SLCO2A1: variants seen among roughly 807,000 people sequenced by gnomAD.
SLCO2A1 encodes the protein matrin F/G 1.
Under a neutral mutation model 71.7 loss-of-function variants are expected in SLCO2A1, and 60 were observed. The observed-to-expected ratio is 0.84, with a 90% CI of 0.68 to 1.04. The LOEUF (loss-of-function observed/expected upper bound fraction) is 1.04. Ranked by LOEUF, SLCO2A1 falls within the 50% of genes least tolerant of loss-of-function variation. The pLI, the probability that SLCO2A1 is intolerant of heterozygous loss-of-function variation, is 0.00. For synonymous variants in SLCO2A1, 308 were observed against 326.7 expected, an observed-to-expected ratio of 0.94 and a Z score of 0.62; for missense variants, 745 against 813.4, an observed-to-expected ratio of 0.92 and a Z score of 1.02.
chr3:134,013,731 G>A (rs1935387224), intron 1 of SLCO2A1, among the ~76,000 whole-genome samples: 1 of 152,200 alleles, frequency 6.6e-6, no homozygotes, highest in Non-Finnish European at 1.5e-5. Flanking sequence ...TCTTCCTAGA[G>A]CATCAATGTT....
chr3:133,958,058 CT>C (rs772821706), intron 3 of SLCO2A1, among the ~76,000 whole-genome samples: 2 of 152,180 alleles, frequency 1.3e-5, no homozygotes, highest in Non-Finnish European at 2.9e-5. Context: ...TAAAATGCTC[CT>C]GCTGAAAGAC....
chr3:133,938,695 C>T (rs1209794861), intron 11 of SLCO2A1, among the ~76,000 whole-genome samples: 2 of 152,080 alleles, frequency 1.3e-5, no homozygotes, highest in Non-Finnish European at 2.9e-5. Context: ...TCATCAGCAT[C>T]CCCTGGGAAC....
intron 1 of SLCO2A1, among the ~76,000 whole-genome samples, chr3:134,004,083 T>C (rs542138731): frequency 1.3e-4 from 19 of 151,394 alleles, no homozygotes; most frequent in African/African-American, 3.4e-4. Context: ...AATTTTGTAA[T>C]GAATCTCTTC....
rs1236751672 is a variant in SLCO2A1, at chr3:133,942,602, C to G, written c.1625+3G>C. ...CCCAGACTCACAGAGGTTTGCCACT[C>G]ACCGCAGAACCATCATGTAGAGGGG... is the stretch of plus-strand genomic sequence containing the variant. On this transcript the variant is annotated splice_donor_region_variant and intron_variant, in intron 11 of 13. Transcript: ENST00000310926. 2 of 1,603,328 alleles carry G rather than the reference C, an allele frequency of 1.2e-6. No individual in the cohort carries two copies. The highest frequency in any genetic ancestry group is 1.7e-6 in the Non-Finnish European group (2 of 1,174,414).
intron 1 of SLCO2A1, 90 bp downstream of exon 1, chr3:134,029,617 C>T: frequency 2.8e-6 from 3 of 1,061,794 alleles, no homozygotes; most frequent in South Asian, 1.5e-5. Context: ...GCTCCCGGAG[C>T]CTCCTGGCTC....
intron 2 of SLCO2A1, 137 bp from the exon 3 acceptor site, chr3:133,973,962 G>C (rs934251246): frequency 1.0e-5 from 9 of 894,122 alleles, no homozygotes; most frequent in Non-Finnish European, 6.6e-6. Context: ...CCCAGACAGA[G>C]TTACAGTGTC....
In SLCO2A1 at chr3:134,016,337, T is replaced by A. The variant is rs966733095; in HGVS notation, c.96+13370A>T. Among the ~76,000 whole-genome samples, 24 of 147,286 alleles carry A rather than the reference T, an allele frequency of 1.6e-4. No individual in the cohort carries two copies. The Middle Eastern group carries it at 0.01, about 63-fold the overall frequency. ...TAAAGAACTCTCAAAATGCAACTGT[T>A]AAAAAAAAAAGATTACAATTAGAAG... On this transcript the variant is annotated intron_variant, in intron 1 of 13. Coordinates refer to ENST00000310926, the MANE Select transcript of SLCO2A1 (RefSeq NM_005630.3).
At chr3:133,989,980 T>C (rs1222045221) in intron 1 of SLCO2A1, among the ~76,000 whole-genome samples, 4 of 134,864 alleles carry the variant, frequency 3.0e-5, no homozygotes, top group Non-Finnish European at 6.7e-5. Flanking sequence ...ACCTTCACAC[T>C]GTGTGATAGT....
intron 1 of SLCO2A1, among the ~76,000 whole-genome samples, chr3:134,024,256 C>A: frequency 6.6e-6 from 1 of 152,306 alleles, no homozygotes; most frequent in South Asian, 2.1e-4. Context: ...CATCGTAAAG[C>A]GAGAGAAGCC....
At chr3:134,008,486 G>A (rs558606842) in intron 1 of SLCO2A1, among the ~76,000 whole-genome samples, 14 of 152,122 alleles carry the variant, frequency 9.2e-5, no homozygotes, top group Non-Finnish European at 1.8e-4. Flanking sequence ...AACAGTGGAT[G>A]GTCAATAAAC....
chr3:133,977,776 A>G (rs977174907), intron 2 of SLCO2A1, among the ~76,000 whole-genome samples: 3 of 152,130 alleles, frequency 2.0e-5, no homozygotes, highest in Non-Finnish European at 2.9e-5. Flanking sequence ...GGGAATTACC[A>G]AAGTCAGAGG....
At chr3:134,002,259 T>C (rs918978942) in intron 1 of SLCO2A1, among the ~76,000 whole-genome samples, 1 of 152,106 alleles carries the variant, frequency 6.6e-6, no homozygotes, top group African/African-American at 2.4e-5. Flanking sequence ...TGTGGTGGTC[T>C]CTCCTTGCTG....
Position 133,936,409 on chromosome 3 carries a change from C to A in SLCO2A1, c.1691-512G>T, listed in dbSNP as rs76409242. Among the ~76,000 whole-genome samples, 1,066 of 152,300 alleles carry A rather than the reference C, an allele frequency of 7.0e-3. 14 individuals are homozygous for A. Among genetic ancestry groups the A allele is most frequent in the African/African-American group, 0.024 (1,016 of 41,558 alleles). On this transcript the variant is annotated intron_variant, in intron 12 of 13. Transcript: ENST00000310926. ...CGAATCCCATGTACTTCCACCACACCAAGCTGCCCTATTGGATTAGACAAC... is the reference window on the plus strand; with the variant it reads ...CGAATCCCATGTACTTCCACCACACAAAGCTGCCCTATTGGATTAGACAAC...
intron 1 of SLCO2A1, among the ~76,000 whole-genome samples, chr3:133,994,061 G>C (rs905053619): frequency 3.7e-4 from 57 of 152,274 alleles, no homozygotes; most frequent in African/African-American, 1.3e-3. Flanking sequence ...CTGGGTGGTG[G>C]CTGCAGGGAA....
intron 1 of SLCO2A1, among the ~76,000 whole-genome samples, chr3:134,002,376 G>C (rs986150663): frequency 6.6e-6 from 1 of 152,326 alleles, no homozygotes; most frequent in African/African-American, 2.4e-5. Context: ...AAAGCTCTGG[G>C]AGGCCTTCCC....
At chr3:134,029,596 GGGAGCCCGGGGCTCCC>G (rs1454773396) in intron 1 of SLCO2A1, 95 bp downstream of exon 1, 2 of 782,304 alleles carry the variant, frequency 2.6e-6, no homozygotes, top group Non-Finnish European at 4.0e-6. Flanking sequence ...CGGCACAGGA[GGGAGCCCGGGGCTCCC>G]GGAGCCTCCT....
intron 3 of SLCO2A1, among the ~76,000 whole-genome samples, chr3:133,961,412 A>G (rs575535189): frequency 1.1e-4 from 17 of 152,270 alleles, no homozygotes; most frequent in Middle Eastern, 6.8e-3. Flanking sequence ...GATTCTCATT[A>G]ATTTATTTAA....
At chr3:133,999,826 A>T (rs1935063200) in intron 1 of SLCO2A1, among the ~76,000 whole-genome samples, 1 of 152,208 alleles carries the variant, frequency 6.6e-6, no homozygotes, top group Non-Finnish European at 1.5e-5. Context: ...TGAGAAGAGA[A>T]AACCAAGTCA....
chr3:133,963,780 G>A (rs190204377), intron 3 of SLCO2A1, among the ~76,000 whole-genome samples: 9 of 152,208 alleles, frequency 5.9e-5, no homozygotes, highest in Non-Finnish European at 4.4e-5. Flanking sequence ...CTATCAGCAC[G>A]ACTCCTGGAA....
Sources: allele counts gnomAD v4.1 joint callset (sites outside exome capture counted in the v4.1 genomes callset), GRCh38; gene constraint gnomAD v4.1.1; transcripts MANE v1.5; gene names NCBI Gene and HGNC (gene_info 2026-07-23, HGNC 2026-07-21).